Variants in PIK3AP1 observed in about 807,000 individuals in gnomAD.
The protein encoded by PIK3AP1 is phosphoinositide 3-kinase adapter protein 1.
In PIK3AP1, 21 loss-of-function variants were observed where a neutral mutation model predicts 88.1. The observed-to-expected ratio is 0.24, with a 90% confidence interval of 0.17 to 0.34. The LOEUF (loss-of-function observed/expected upper bound fraction) is 0.34, where lower values mean the gene tolerates loss of function less well. PIK3AP1 is among the 10% of genes least tolerant of loss of function. The pLI is 1.00. For missense variants in PIK3AP1, 828 were observed against 1,035.7 expected (o/e 0.80, Z 2.75); for synonymous variants, 398 against 400.0 (o/e 1.00, Z 0.06).
intron 8 of PIK3AP1, among the ~76,000 whole-genome samples, 197 bp downstream of exon 8, chr10:96,645,276 A>T (rs551621955): frequency 5.9e-5 from 9 of 152,218 alleles, no homozygotes; most frequent in African/African-American, 2.2e-4. Flanking sequence ...CCCAGCAGTC[A>T]TAACAGAGGA....
intron 11 of PIK3AP1, chr10:96,621,757 T>C (rs1403143185): frequency 6.6e-6 from 1 of 152,334 alleles, no homozygotes; most frequent in East Asian, 1.9e-4. Flanking sequence ...GAGACGCCTT[T>C]AGACAAGTAT....
At chr10:96,672,543 T>G (rs1247217835) in intron 2 of PIK3AP1, among the ~76,000 whole-genome samples, 1 of 152,216 alleles carries the variant, frequency 6.6e-6, no homozygotes, top group Non-Finnish European at 1.5e-5. Context: ...AAATGAGCTA[T>G]TCAAAGTGTT....
intron 8 of PIK3AP1, among the ~76,000 whole-genome samples, chr10:96,643,930 A>C (rs1390931224): frequency 6.6e-6 from 1 of 152,208 alleles, no homozygotes; most frequent in African/African-American, 2.4e-5. Flanking sequence ...TCTATTAATG[A>C]AAACCAGAGG....
intron 2 of PIK3AP1, among the ~76,000 whole-genome samples, chr10:96,690,981 G>A (rs1844146655): frequency 6.6e-6 from 1 of 152,134 alleles, no homozygotes; most frequent in South Asian, 2.1e-4. Context: ...GCCAATATTC[G>A]GAGACATAGA....
chr10:96,642,226 A>C (rs896444448), intron 8 of PIK3AP1, among the ~76,000 whole-genome samples: 7 of 152,174 alleles, frequency 4.6e-5, no homozygotes, highest in African/African-American at 1.7e-4. Context: ...CAAGTTCAAG[A>C]CCAGCCTGGG....
intron 7 of PIK3AP1, 58 bp downstream of exon 7, chr10:96,648,601 C>G (rs920685149): frequency 1.2e-5 from 18 of 1,512,736 alleles, no homozygotes; most frequent in Admixed American, 2.4e-5. Context: ...GGTGAAAGGG[C>G]AGCCATACTA....
chr10:96,626,798 C>A lies in PIK3AP1; in HGVS notation c.1579G>T (p.Ala527Ser). 6.2e-7 allele frequency: 1 copy of A among 1,614,208 alleles called. No homozygotes were observed. The highest frequency in any genetic ancestry group is 8.5e-7 in the Non-Finnish European group (1 of 1,180,010). Residue 527 changes from alanine (A) to serine (S), a missense_variant, in exon 10 of 17, where the codon GCC becomes TCC. Ala to Ser is a moderately conservative substitution (Grantham distance 99, BLOSUM62 1). Around this residue, in one of 3 missense-constraint regions of PIK3AP1, gnomAD observed 610 missense variants for 760.1 expected, o/e 0.80. Transcript: ENST00000339364. Reference protein sequence around the residue: ...DDDEAFSVDLASRPPVPVPRP... With the variant: ...DDDEAFSVDLSSRPPVPVPRP... ...GGCACTGGGACAGGGGGCCTGCTGGCCAGGTCCACAGAAAAGGCCTCATCG... is the reference window on the plus strand; with the variant it reads ...GGCACTGGGACAGGGGGCCTGCTGGACAGGTCCACAGAAAAGGCCTCATCG...
At chr10:96,632,586 A>T (rs1049588792) in intron 8 of PIK3AP1, among the ~76,000 whole-genome samples, 2 of 152,162 alleles carry the variant, frequency 1.3e-5, no homozygotes, top group Non-Finnish European at 2.9e-5. Context: ...GATGGTGCTA[A>T]ATGAACCACT....
intron 8 of PIK3AP1, among the ~76,000 whole-genome samples, chr10:96,641,992 C>T (rs1338491256): frequency 6.6e-6 from 1 of 152,190 alleles, no homozygotes; most frequent in Non-Finnish European, 1.5e-5. Flanking sequence ...AATTATTCCT[C>T]CCCAGGTCCA....
intron 8 of PIK3AP1, among the ~76,000 whole-genome samples, chr10:96,642,702 C>T (rs2134225408): frequency 6.6e-6 from 1 of 152,304 alleles, no homozygotes; most frequent in East Asian, 1.9e-4. Flanking sequence ...CTCCAGAGCA[C>T]ACTGCTGCCT....
At chr10:96,645,737 C>G in intron 7 of PIK3AP1, 75 bp from the exon 8 acceptor site, 1 of 1,332,224 alleles carries the variant, frequency 7.5e-7, no homozygotes, top group South Asian at 1.4e-5. Context: ...CCCGAAGGCA[C>G]TTGTGGCCAG....
chr10:96,650,710 A>G (rs1403060326), intron 6 of PIK3AP1, among the ~76,000 whole-genome samples: 2 of 152,228 alleles, frequency 1.3e-5, no homozygotes, highest in Non-Finnish European at 2.9e-5. Context: ...AAGTGAGAGA[A>G]GTTAGCCAGG....
At chr10:96,699,024 A>C (rs568576001) in intron 2 of PIK3AP1, among the ~76,000 whole-genome samples, 3 of 151,618 alleles carry the variant, frequency 2.0e-5, no homozygotes, top group South Asian at 2.1e-4. Flanking sequence ...CTAAAAAAAA[A>C]CCCCACAAAA....
At chr10:96,617,456 G>C (rs1199020674) in intron 12 of PIK3AP1, among the ~76,000 whole-genome samples, 1 of 152,202 alleles carries the variant, frequency 6.6e-6, no homozygotes, top group Non-Finnish European at 1.5e-5. Context: ...AGGGGGGTTG[G>C]TCTGCAGCTG....
chr10:96,609,325 C>T (rs1260664628), intron 14 of PIK3AP1, among the ~76,000 whole-genome samples: 1 of 152,206 alleles, frequency 6.6e-6, no homozygotes, highest in Non-Finnish European at 1.5e-5. Context: ...GCTATTTAAC[C>T]TAGGCCAGAG....
intron 7 of PIK3AP1, among the ~76,000 whole-genome samples, chr10:96,646,582 C>A (rs1269640972): frequency 1.3e-5 from 2 of 152,112 alleles, no homozygotes; most frequent in Non-Finnish European, 2.9e-5. Context: ...GGTGTTCTCG[C>A]CCTGTGTGTA....
intron 2 of PIK3AP1, among the ~76,000 whole-genome samples, chr10:96,677,387 C>T (rs948568163): frequency 2.0e-5 from 3 of 152,172 alleles, no homozygotes; most frequent in East Asian, 1.9e-4. Flanking sequence ...CACTCATATC[C>T]CGAGGTCAAC....
chr10:96,620,112 T>C (rs1474999422), intron 12 of PIK3AP1, among the ~76,000 whole-genome samples: 1 of 152,174 alleles, frequency 6.6e-6, no homozygotes, highest in Non-Finnish European at 1.5e-5. Flanking sequence ...GAGTCTTTGT[T>C]CCTGATCTCA....
intron 2 of PIK3AP1, among the ~76,000 whole-genome samples, chr10:96,668,069 ATAT>A (rs1843790486): frequency 6.6e-6 from 1 of 152,224 alleles, no homozygotes; most frequent in Admixed American, 6.5e-5. Context: ...CTTAAAGAAA[ATAT>A]TAACTTAATA....
Sources: allele counts gnomAD v4.1 joint callset (sites outside exome capture counted in the v4.1 genomes callset), GRCh38; gene constraint gnomAD v4.1.1; regional missense constraint gnomAD v4.1.1; transcripts MANE v1.5; gene names NCBI Gene and HGNC (gene_info 2026-07-23, HGNC 2026-07-21).